GABRG1: variants seen among roughly 807,000 people sequenced by gnomAD.
GABRG1 encodes the protein gamma-aminobutyric acid receptor subunit gamma-1.
A neutral mutation model predicts 49.8 loss-of-function variants in GABRG1; 49 were observed. The observed-to-expected ratio is 0.98, with a 90% CI of 0.78 to 1.25. The LOEUF is 1.25. Among genes scored for constraint, GABRG1 ranks in the 50% most tolerant of loss-of-function variants. The probability of loss-of-function intolerance (pLI) is 0.00; values close to 1 mark genes in which losing one functional copy is unlikely to be tolerated. For missense variants in GABRG1, 552 were observed against 552.3 expected, an observed-to-expected ratio of 1.00 and a Z score of 0.01; for synonymous variants, 232 against 185.1, an observed-to-expected ratio of 1.25 and a Z score of -2.06.
chr4:46,074,667 A>T (rs1719258474), intron 3 of GABRG1, among the ~76,000 whole-genome samples: 1 of 152,202 alleles, frequency 6.6e-6, no homozygotes, highest in African/African-American at 2.4e-5. Context: ...ACTGAAGAGC[A>T]GCTGGTGTTA....
In GABRG1 at chr4:46,062,614, C is replaced by A. The variant is rs1248550; in HGVS notation, c.625+1827G>T. ...CACATTCTGCTTTTGATTTGCATTT[C>A]TCCAATGGCCAGTGATGGTGAGCAT... On this transcript the variant is annotated intron_variant, in intron 5 of 8. Transcript: ENST00000295452. Among the ~76,000 whole-genome samples the A allele has an allele frequency of 7.0e-3, 1,068 of 152,242 alleles. 6 individuals are homozygous for A. The highest frequency in any genetic ancestry group is 0.023 in the African/African-American group (945 of 41,534).
At chr4:46,043,697 A>G (rs933797497) in intron 8 of GABRG1, among the ~76,000 whole-genome samples, 6 of 152,068 alleles carry the variant, frequency 3.9e-5, no homozygotes, top group Non-Finnish European at 7.4e-5. Flanking sequence ...AAAAGTAGCA[A>G]CATAATTGAA....
Position 46,058,532 on chromosome 4 carries a change from G to T in GABRG1, c.716C>A (p.Ala239Glu). Residue 239 changes from alanine (A) to glutamate (E), a missense_variant, in exon 6 of 9, where the codon GCA (alanine) becomes GAA (glutamate). Transcript: ENST00000295452. Reference sequence around the variant, plus strand: ...AGTTGAGTTCCGTAACCCTACAAATGCAAACTGATATAATCTCCAGTATTT... The same window carrying T: ...AGTTGAGTTCCGTAACCCTACAAATTCAAACTGATATAATCTCCAGTATTT... ...DPKYWRLYQF[A>E]FVGLRNSTEI... is the part of the protein sequence containing the mutation. 6.2e-7 allele frequency: 1 copy of T among 1,613,186 alleles called. No homozygotes were observed. Among genetic ancestry groups the T allele is most frequent in the East Asian group, 2.2e-5 (1 of 44,802 alleles).
intron 3 of GABRG1, among the ~76,000 whole-genome samples, chr4:46,074,658 C>A (rs1049287314): frequency 2.6e-5 from 4 of 152,122 alleles, no homozygotes; most frequent in African/African-American, 9.7e-5. Context: ...TTTAATTAAA[C>A]TGAAGAGCAG....
intron 8 of GABRG1, among the ~76,000 whole-genome samples, chr4:46,049,913 G>A (rs2081504189): frequency 6.6e-6 from 1 of 151,852 alleles, no homozygotes; most frequent in South Asian, 2.1e-4. Flanking sequence ...AATGAAATTA[G>A]AGAATGGATG....
At chr4:46,123,420 C>A (rs1056388809) in intron 1 of GABRG1, among the ~76,000 whole-genome samples, 7 of 151,994 alleles carry the variant, frequency 4.6e-5, no homozygotes, top group East Asian at 1.9e-4. Context: ...TGTGTAACAA[C>A]AAGTTTCTGA....
At position 46,080,857 on chromosome 4, in the gene GABRG1, A is replaced by C. The variant is rs189317924; in HGVS notation, c.321+3129T>G. On this transcript the variant is annotated intron_variant, in intron 3 of 8. Transcript: ENST00000295452. ...TAGGCATTGGTTACTTAGAAACTAA[A>C]CATTACAATACTCCACTAAAGAAGA... Among the ~76,000 whole-genome samples the C allele has an allele frequency of 1.2e-4, 19 of 152,014 alleles. No individual in the cohort carries two copies. In the East Asian group the frequency reaches 3.5e-3, roughly 28 times the overall value.
intron 5 of GABRG1, among the ~76,000 whole-genome samples, chr4:46,061,252 T>C (rs17458038): frequency 0.029 from 4,486 of 152,164 alleles, 122 homozygotes; most frequent in Non-Finnish European, 0.038. Context: ...TCAAAGTTAC[T>C]GTTTAAAAAT....
At chr4:46,065,847 G>C (rs1458803382) in intron 3 of GABRG1, among the ~76,000 whole-genome samples, 1 of 151,842 alleles carries the variant, frequency 6.6e-6, no homozygotes, top group Non-Finnish European at 1.5e-5. Context: ...CTCAGCCTCC[G>C]GAGGAGCTGG....
At chr4:46,077,858 A>T (rs1162927471) in intron 3 of GABRG1, among the ~76,000 whole-genome samples, 1 of 151,782 alleles carries the variant, frequency 6.6e-6, no homozygotes, top group African/African-American at 2.4e-5. Flanking sequence ...AATTATTTTG[A>T]TAATTTTTAG....
At chr4:46,041,307 G>T in intron 8 of GABRG1, 53 bp from the exon 9 acceptor site, 2 of 1,567,980 alleles carry the variant, frequency 1.3e-6, no homozygotes. Context: ...CATAAGGAAA[G>T]ATCAATTTGC....
chr4:46,056,147 A>T (rs1458461707), intron 7 of GABRG1, among the ~76,000 whole-genome samples: 3 of 12,844 alleles, frequency 2.3e-4, no homozygotes, highest in Non-Finnish European at 3.9e-4. Context: ...ATAAATAAAT[A>T]AATTAAAAAA....
chr4:46,075,157 T>A (rs1233395075), intron 3 of GABRG1, among the ~76,000 whole-genome samples: 1 of 151,980 alleles, frequency 6.6e-6, no homozygotes, highest in Non-Finnish European at 1.5e-5. Context: ...CTCTTCCTCA[T>A]ACAAATACTT....
intron 8 of GABRG1, among the ~76,000 whole-genome samples, chr4:46,050,747 C>G (rs544201629): frequency 1.3e-5 from 2 of 151,748 alleles, no homozygotes; most frequent in African/African-American, 4.8e-5. Context: ...ATCATTGAAC[C>G]TCTACTTAGA....
At chr4:46,085,397 C>A (rs1044403997) in intron 2 of GABRG1, among the ~76,000 whole-genome samples, 1 of 151,416 alleles carries the variant, frequency 6.6e-6, no homozygotes, top group Non-Finnish European at 1.5e-5. Flanking sequence ...GAGCATAGAG[C>A]AATTGCACCC....
In GABRG1 at chr4:46,040,910, A is replaced by G; in HGVS notation, c.*78T>C. ...TTGGTCTCTCTGCATTTTAAATTTAAACTTCAAGTTACTGAAGCACAAAAG... is the reference window on the plus strand; with the variant it reads ...TTGGTCTCTCTGCATTTTAAATTTAGACTTCAAGTTACTGAAGCACAAAAG... On this transcript the variant is annotated 3_prime_UTR_variant, in exon 9 of 9. Transcript: ENST00000295452. The G allele has an allele frequency of 2.1e-6, 3 of 1,398,100 alleles. No individual in the cohort carries two copies. The Admixed American group carries it at 6.4e-5, about 30-fold the overall frequency. 86.6% of individuals were successfully genotyped at this position (1,398,100 alleles called of 1,614,324 possible).
chr4:46,121,124 A>G (rs1560378583), intron 1 of GABRG1, among the ~76,000 whole-genome samples: 2 of 151,876 alleles, frequency 1.3e-5, no homozygotes, highest in African/African-American at 2.4e-5. Context: ...TGTTGATGGA[A>G]ATTAATGAGG....
At chr4:46,052,140 T>A (rs1034631540) in intron 7 of GABRG1, among the ~76,000 whole-genome samples, 1 of 151,594 alleles carries the variant, frequency 6.6e-6, no homozygotes, top group African/African-American at 2.4e-5. Flanking sequence ...CATTAGATAA[T>A]ATTGGAAATT....
chr4:46,103,760 A>G (rs535060218), intron 1 of GABRG1, among the ~76,000 whole-genome samples: 1 of 151,560 alleles, frequency 6.6e-6, no homozygotes, highest in East Asian at 2.0e-4. Context: ...CTATTATTTC[A>G]TACTAATAAA....
Sources: gnomAD v4.1 joint callset for allele counts (sites outside exome capture counted in the v4.1 genomes callset) on GRCh38, gnomAD v4.1.1 for gene constraint, MANE v1.5 for transcripts, NCBI Gene and HGNC (gene_info 2026-07-23, HGNC 2026-07-21) for gene names.